EXPH5: variants seen among roughly 807,000 people sequenced by gnomAD.
The protein encoded by EXPH5 is exophilin 5.
A neutral mutation model predicts 41.1 loss-of-function variants in EXPH5; 42 were observed. The observed-to-expected ratio is 1.02, with a 90% CI of 0.80 to 1.32. The LOEUF (loss-of-function observed/expected upper bound fraction) is 1.32, where lower values mean the gene tolerates loss of function less well. Among genes scored for constraint, EXPH5 ranks in the 40% most tolerant of loss-of-function variants. EXPH5 has a pLI of 0.00. For synonymous variants in EXPH5, 798 were observed against 833.5 expected (o/e 0.96, Z 0.73); for missense variants, 2,298 against 2,314.5 (o/e 0.99, Z 0.15).
At chr11:108,600,056 G>C in the EXPH5 span, among the ~76,000 whole-genome samples, 1 of 152,190 alleles carries the variant, frequency 6.6e-6, no homozygotes, top group Non-Finnish European at 1.5e-5. Context: ...AAGGTGAGAA[G>C]AGACGGCCCT....
chr11:108,543,489 T>C (rs2093923208), intron 1 of EXPH5, among the ~76,000 whole-genome samples: 1 of 152,184 alleles, frequency 6.6e-6, no homozygotes, highest in African/African-American at 2.4e-5. Flanking sequence ...AAGTTAGGCA[T>C]GTTGTTGGGT....
intron 4 of EXPH5, 151 bp from the exon 5 acceptor site, chr11:108,518,524 G>T: frequency 1.4e-6 from 1 of 724,720 alleles, no homozygotes. Flanking sequence ...TTTATAATGT[G>T]TTGTTTTTGC....
chr11:108,514,950 C>G (rs983571756), intron 5 of EXPH5, 75 bp from the exon 6 acceptor site: 2 of 864,904 alleles, frequency 2.3e-6, no homozygotes, highest in African/African-American at 3.5e-5. Flanking sequence ...ATTGAAGGCT[C>G]CTTTTCAAGA....
chr11:108,514,417 T>C lies in EXPH5; in HGVS notation c.1090A>G (p.Lys364Glu), dbSNP rs143640617. The change falls in exon 6 of 6, where the codon AAG (lysine) becomes GAG (glutamate). Residue 364 changes from lysine (K) to glutamate (E), a missense_variant. Physicochemically the swap from Lys to Glu is moderately conservative, Grantham distance 56. Coordinates refer to ENST00000265843, the MANE Select transcript of EXPH5 (RefSeq NM_015065.3). ...FIPPRHQQSPKRTPLSSIIWN... is the reference protein window; with the variant it reads ...FIPPRHQQSPERTPLSSIIWN... ...ATGATGGATGATAAAGGAGTTCTCT[T>C]TGGACTCTGCTGGTGCCTTGGTGGT... is the stretch of plus-strand genomic sequence containing the variant. 6.2e-7 allele frequency: 1 copy of C among 1,614,148 alleles called. No individual in the cohort carries two copies. Among genetic ancestry groups the C allele is most frequent in the East Asian group, 2.2e-5 (1 of 44,876 alleles).
In EXPH5 at chr11:108,512,536, T is replaced by C. The variant is rs771917965; in HGVS notation, c.2971A>G (p.Ser991Gly). 1.2e-6 allele frequency: 2 copies of C among 1,612,450 alleles called. No individual in the cohort carries two copies. Among genetic ancestry groups the C allele is most frequent in the Middle Eastern group, 1.6e-4 (1 of 6,074 alleles). ...TGATCACTGGTGGGTACTGATATAC[T>C]TTCTGTTTTGCTTAACTTTTCAATA... ...SCIEKLSKTE[S>G]ISVPTSDHRS... The change falls in exon 6 of 6, where the codon AGT becomes GGT. Residue 991 changes from serine to glycine, a missense_variant. Transcript: ENST00000265843.
At chr11:108,561,314 C>T (rs1365028733) in intron 1 of EXPH5, among the ~76,000 whole-genome samples, 1 of 152,160 alleles carries the variant, frequency 6.6e-6, no homozygotes, top group East Asian at 1.9e-4. Context: ...ACATTATTGG[C>T]ATAGAAAAAG....
chr11:108,522,427 T>G (rs1474588241), intron 4 of EXPH5, among the ~76,000 whole-genome samples: 1 of 152,208 alleles, frequency 6.6e-6, no homozygotes, highest in East Asian at 1.9e-4. Flanking sequence ...TTGGTACTCT[T>G]ATTATCCCTA....
At chr11:108,560,851 T>C (rs1460129980) in intron 1 of EXPH5, among the ~76,000 whole-genome samples, 1 of 152,236 alleles carries the variant, frequency 6.6e-6, no homozygotes, top group Non-Finnish European at 1.5e-5. Context: ...TTGTTATATG[T>C]TCTTATTATT....
At chr11:108,579,512 T>C (rs964198686) in intron 1 of EXPH5, among the ~76,000 whole-genome samples, 2 of 151,868 alleles carry the variant, frequency 1.3e-5, no homozygotes, top group Non-Finnish European at 2.9e-5. Context: ...GAGGGTAATG[T>C]TGGCCTTATA....
At chr11:108,547,999 C>G (rs2093946178) in intron 1 of EXPH5, among the ~76,000 whole-genome samples, 1 of 151,152 alleles carries the variant, frequency 6.6e-6, no homozygotes, top group Non-Finnish European at 1.5e-5. Flanking sequence ...ATCCCAGCTA[C>G]TGAGGAGGCT....
At chr11:108,595,095 TA>T (rs2094136860), upstream of EXPH5, among the ~76,000 whole-genome samples, 1 of 152,242 alleles carries the variant, frequency 6.6e-6, no homozygotes, top group Non-Finnish European at 1.5e-5. Flanking sequence ...GACTTTTCAA[TA>T]TGGTCACTGG....
intron 3 of EXPH5, among the ~76,000 whole-genome samples, chr11:108,531,844 AT>A (rs549138578): frequency 3.3e-5 from 5 of 151,996 alleles, no homozygotes; most frequent in Non-Finnish European, 7.4e-5. Flanking sequence ...TAATCAACAA[AT>A]CCTGTTGATT....
rs2094003667 is a variant in EXPH5 at position 108,559,650 on chromosome 11, C to T, written c.120-17838G>A. ...TGGTACACATGAATATGCATCTCTC[C>T]TTCATTTTCATTAATAAGAATGCAG... On this transcript the variant is annotated intron_variant, in intron 1 of 5. Transcript: ENST00000265843. Among the ~76,000 whole-genome samples, 3 of 152,216 alleles carry T rather than the reference C, an allele frequency of 2.0e-5. No homozygotes were observed. The South Asian group carries it at 6.2e-4, about 31-fold the overall frequency.
chr11:108,577,595 G>T (rs2094084096), intron 1 of EXPH5, among the ~76,000 whole-genome samples: 2 of 151,718 alleles, frequency 1.3e-5, no homozygotes, highest in South Asian at 4.2e-4. Flanking sequence ...GGCTAATTTT[G>T]TATTTTTAGT....
chr11:108,576,365 G>A (rs2094079638), intron 1 of EXPH5, among the ~76,000 whole-genome samples: 1 of 152,022 alleles, frequency 6.6e-6, no homozygotes, highest in Non-Finnish European at 1.5e-5. Context: ...TCCAGTATAG[G>A]TAAACCCATG....
chr11:108,566,610 T>G (rs1165766357), intron 1 of EXPH5, among the ~76,000 whole-genome samples: 1 of 152,106 alleles, frequency 6.6e-6, no homozygotes, highest in Non-Finnish European at 1.5e-5. Context: ...TCTAGCATTT[T>G]GGGAGGCCGA....
chr11:108,567,095 G>T (rs1245968329), intron 1 of EXPH5, among the ~76,000 whole-genome samples: 2 of 152,164 alleles, frequency 1.3e-5, no homozygotes, highest in Non-Finnish European at 2.9e-5. Context: ...TATGTGCAAG[G>T]TTGTTAAAAA....
chr11:108,557,062 A>C (rs1185726044), intron 1 of EXPH5, among the ~76,000 whole-genome samples: 1 of 152,178 alleles, frequency 6.6e-6, no homozygotes, highest in East Asian at 1.9e-4. Flanking sequence ...CTATTTTGTC[A>C]CATGGCTATG....
At chr11:108,543,677 T>C (rs1235350510) in intron 1 of EXPH5, among the ~76,000 whole-genome samples, 1 of 152,194 alleles carries the variant, frequency 6.6e-6, no homozygotes, top group Non-Finnish European at 1.5e-5. Context: ...TGAACTGAGA[T>C]GGCTGCAACT....
Sources: allele counts gnomAD v4.1 joint callset (sites outside exome capture counted in the v4.1 genomes callset), GRCh38; gene constraint gnomAD v4.1.1; transcripts MANE v1.5; gene names NCBI Gene and HGNC (gene_info 2026-07-23, HGNC 2026-07-21).